The following IFT70A variants were observed in gnomAD, a reference collection of about 807,000 sequenced individuals.
The protein encoded by IFT70A is intraflagellar transport 70A, also known as intraflagellar transport protein 70A.
the IFT70A span, chr2:177,614,626 T>TA: frequency 8.5e-4 from 130 of 152,314 alleles, 1 homozygote; most frequent in African/African-American, 3.0e-3. Context: ...ACTTGACACT[T>TA]ACTGCTAAAA....
At chr2:177,617,513 C>T in the IFT70A span, 37 of 1,614,104 alleles carry the variant, frequency 2.3e-5, no homozygotes, top group Non-Finnish European at 3.1e-5. Flanking sequence ...GCTTCCTGTA[C>T]TTGCTTGGTG....
At chr2:177,617,401 T>C in the IFT70A span, 8 of 1,598,088 alleles carry the variant, frequency 5.0e-6, no homozygotes, top group South Asian at 2.3e-5. Context: ...AAGATTCCAG[T>C]AGATTTTTGC....
chr2:177,618,401 C>T, the IFT70A span: 1 of 1,612,882 alleles, frequency 6.2e-7, no homozygotes, highest in Non-Finnish European at 8.5e-7. Context: ...AGGAAGGCGA[C>T]CCGAGTGGCC....
the IFT70A span, chr2:177,615,269 C>T: frequency 1.3e-5 from 2 of 152,114 alleles, no homozygotes; most frequent in Non-Finnish European, 2.9e-5. Flanking sequence ...AAAAAATACA[C>T]ATTATAACAG....
the IFT70A span, chr2:177,613,122 A>C: frequency 6.6e-6 from 1 of 152,218 alleles, no homozygotes; most frequent in South Asian, 2.1e-4. Context: ...AACTACTTGC[A>C]GCGTCTTGGT....
At chr2:177,618,303 C>A in the IFT70A span, 18 of 1,614,200 alleles carry the variant, frequency 1.1e-5, no homozygotes, top group Non-Finnish European at 1.4e-5. Flanking sequence ...CCACCAGGCT[C>A]CTGGACCCTG....
the IFT70A span, chr2:177,618,742 G>A: frequency 0.018 from 26,245 of 1,496,116 alleles, 391 homozygotes; most frequent in African/African-American, 0.057. Flanking sequence ...CACGGCAACA[G>A]GGCAACCGGG....
the IFT70A span, chr2:177,614,588 G>A: frequency 6.6e-6 from 1 of 152,102 alleles, no homozygotes; most frequent in Non-Finnish European, 1.5e-5. Context: ...GGTTTCCAAA[G>A]TCACCTTGAT....
chr2:177,614,043 T>C, the IFT70A span: 1 of 152,170 alleles, frequency 6.6e-6, no homozygotes, highest in Non-Finnish European at 1.5e-5. Context: ...TAAATACACA[T>C]TATGATGTTG....
At chr2:177,616,630 C>T in the IFT70A span, 2 of 1,300,702 alleles carry the variant, frequency 1.5e-6, no homozygotes, top group African/African-American at 1.5e-5. Flanking sequence ...ATAAAGATGC[C>T]AAGGCTAAAT....
the IFT70A span, chr2:177,613,915 A>C: frequency 4.6e-5 from 7 of 152,188 alleles, no homozygotes; most frequent in Non-Finnish European, 1.0e-4. Flanking sequence ...TAATATTTGC[A>C]ATCAAGTTAT....
the IFT70A span, chr2:177,614,326 C>T: frequency 3.3e-5 from 5 of 152,080 alleles, no homozygotes; most frequent in East Asian, 9.6e-4. Context: ...ATTTAATTCC[C>T]AGTGTTACAG....
At chr2:177,616,496 T>C in the IFT70A span, 1 of 401,528 alleles carries the variant, frequency 2.5e-6, no homozygotes, top group Non-Finnish European at 4.3e-6. Flanking sequence ...TTGTCACTAG[T>C]AGGAAGAAAG....
the IFT70A span, chr2:177,616,729 T>C: frequency 1.3e-6 from 2 of 1,537,242 alleles, no homozygotes; most frequent in Non-Finnish European, 1.7e-6. Context: ...TATAATCTCA[T>C]AAATCAAAGC....
chr2:177,616,975 TTATTA>T, the IFT70A span: 1 of 1,611,746 alleles, frequency 6.2e-7, no homozygotes, highest in East Asian at 2.2e-5. Flanking sequence ...TCCCAGCTTT[TTATTA>T]TAAGGCTCCA....
the IFT70A span, chr2:177,616,040 GCAAC>G: frequency 2.0e-5 from 3 of 152,002 alleles, no homozygotes; most frequent in Non-Finnish European, 4.4e-5. Flanking sequence ...AACTTAAGAA[GCAAC>G]CAATCAACCA....
chr2:177,617,700 C>T, the IFT70A span: 11 of 1,614,184 alleles, frequency 6.8e-6, no homozygotes, highest in Admixed American at 1.3e-4. Flanking sequence ...GGTCAAAATA[C>T]TCATATTTAC....
chr2:177,613,821 G>A, the IFT70A span: 1 of 152,136 alleles, frequency 6.6e-6, no homozygotes, highest in Admixed American at 6.5e-5. Context: ...TTCAGTCATT[G>A]ATATTGATGT....
At chr2:177,618,545 A>G in the IFT70A span, 1 of 1,594,788 alleles carries the variant, frequency 6.3e-7, no homozygotes, top group Non-Finnish European at 8.5e-7. Flanking sequence ...TAGTAGCAGT[A>G]GCCTAGCAGC....
Sources: gnomAD v4.1 joint callset for allele counts on GRCh38, gnomAD v4.1.1 for gene constraint, MANE v1.5 for transcripts, NCBI Gene and HGNC (gene_info 2026-07-23, HGNC 2026-07-21) for gene names.